ENTREP2: variants seen among roughly 807,000 people sequenced by gnomAD.
ENTREP2 encodes protein ENTREP2.
chr15:29,432,960 C>T, the ENTREP2 span, among the ~76,000 whole-genome samples: 1 of 152,232 alleles, frequency 6.6e-6, no homozygotes, highest in Non-Finnish European at 1.5e-5. Flanking sequence ...CATCGCACGC[C>T]CACCTCCATC....
chr15:29,498,090 A>C, the ENTREP2 span, among the ~76,000 whole-genome samples: 1 of 152,150 alleles, frequency 6.6e-6, no homozygotes, highest in Non-Finnish European at 1.5e-5. Context: ...TTAGTGACTG[A>C]GTTCTCATGA....
the ENTREP2 span, among the ~76,000 whole-genome samples, chr15:29,557,255 A>G: frequency 6.6e-6 from 1 of 152,028 alleles, no homozygotes; most frequent in Non-Finnish European, 1.5e-5. Flanking sequence ...GGGCTCTTTC[A>G]GGTGAAGAGA....
chr15:29,424,331 G>T, the ENTREP2 span, among the ~76,000 whole-genome samples: 2 of 151,526 alleles, frequency 1.3e-5, no homozygotes, highest in Admixed American at 1.3e-4. Context: ...CCATTTTACA[G>T]AGCGTTGATT....
chr15:29,346,634 T>TCCACAAAAAGAG, the ENTREP2 span, among the ~76,000 whole-genome samples: 1 of 152,274 alleles, frequency 6.6e-6, no homozygotes, highest in African/African-American at 2.4e-5. Context: ...GTACTTTCAT[T>TCCACAAAAAGAG]TAGCTTTAAA....
At chr15:29,448,505 G>A in the ENTREP2 span, among the ~76,000 whole-genome samples, 1 of 152,170 alleles carries the variant, frequency 6.6e-6, no homozygotes, top group Non-Finnish European at 1.5e-5. Context: ...TACCCTAAAT[G>A]CACTTAAGCG....
At chr15:29,598,023 T>C in the ENTREP2 span, among the ~76,000 whole-genome samples, 2 of 152,044 alleles carry the variant, frequency 1.3e-5, no homozygotes, top group African/African-American at 4.8e-5. Context: ...CTAAGGAGGC[T>C]GAGGATGGGG....
At chr15:29,521,417 A>G in the ENTREP2 span, among the ~76,000 whole-genome samples, 1 of 152,264 alleles carries the variant, frequency 6.6e-6, no homozygotes. Flanking sequence ...GTATGTTAAC[A>G]GACAATTCTC....
At chr15:29,522,649 T>G in the ENTREP2 span, among the ~76,000 whole-genome samples, 4 of 152,180 alleles carry the variant, frequency 2.6e-5, no homozygotes, top group African/African-American at 9.7e-5. Flanking sequence ...TGCAAACCAA[T>G]AGCCCACAAT....
chr15:29,490,815 T>C, the ENTREP2 span, among the ~76,000 whole-genome samples: 1 of 152,212 alleles, frequency 6.6e-6, no homozygotes, highest in African/African-American at 2.4e-5. Flanking sequence ...CTTCCGCTAG[T>C]GGATCCCGTG....
chr15:29,624,157 C>T, the ENTREP2 span, among the ~76,000 whole-genome samples: 3 of 152,358 alleles, frequency 2.0e-5, 1 homozygote, highest in South Asian at 6.2e-4. Context: ...TTCGTGCACT[C>T]TGTGTCTTCT....
At chr15:29,292,380 CTTCT>C in the ENTREP2 span, among the ~76,000 whole-genome samples, 2 of 138,596 alleles carry the variant, frequency 1.4e-5, no homozygotes, top group East Asian at 2.1e-4. Flanking sequence ...TCTTTCTTTC[CTTCT>C]TTCTTTCTTG....
At chr15:29,223,547 A>T in the ENTREP2 span, among the ~76,000 whole-genome samples, 22 of 152,330 alleles carry the variant, frequency 1.4e-4, no homozygotes, top group African/African-American at 4.8e-4. Context: ...GTGTAACTGG[A>T]TATCAGTTTA....
chr15:29,412,953 CTTCA>C, the ENTREP2 span, among the ~76,000 whole-genome samples: 2 of 151,684 alleles, frequency 1.3e-5, no homozygotes, highest in Admixed American at 6.6e-5. Context: ...AATCTGATCA[CTTCA>C]TTCATTTTCA....
the ENTREP2 span, chr15:29,268,772 G>C: frequency 1.3e-6 from 2 of 1,579,726 alleles, no homozygotes; most frequent in Non-Finnish European, 1.7e-6. Context: ...TGTCCCGGGG[G>C]TCCCTCTGAA....
the ENTREP2 span, among the ~76,000 whole-genome samples, chr15:29,598,115 CCT>C: frequency 6.5e-5 from 7 of 107,222 alleles, no homozygotes; most frequent in African/African-American, 1.9e-4. Flanking sequence ...GAGTGAGACC[CCT>C]GTCTCAAAAA....
the ENTREP2 span, among the ~76,000 whole-genome samples, chr15:29,400,425 G>A: frequency 2.6e-5 from 4 of 152,106 alleles, no homozygotes; most frequent in African/African-American, 9.7e-5. Context: ...AGATGGGAGG[G>A]AAATTCATTT....
chr15:29,207,050 A>G, the ENTREP2 span, among the ~76,000 whole-genome samples: 1 of 152,146 alleles, frequency 6.6e-6, no homozygotes, highest in Admixed American at 6.5e-5. Flanking sequence ...AGTGGCTCAA[A>G]GCTACTCGCC....
the ENTREP2 span, among the ~76,000 whole-genome samples, chr15:29,407,495 T>A: frequency 6.6e-6 from 1 of 151,944 alleles, no homozygotes. Context: ...AGAGAAGACA[T>A]GGGCTCAAGA....
the ENTREP2 span, among the ~76,000 whole-genome samples, chr15:29,650,705 C>T: frequency 1.4e-3 from 215 of 152,270 alleles, no homozygotes; most frequent in African/African-American, 4.9e-3. Context: ...TGATGTGCGC[C>T]TATGATCCCA....
Sources: allele counts gnomAD v4.1 joint callset (sites outside exome capture counted in the v4.1 genomes callset), GRCh38; gene constraint gnomAD v4.1.1; transcripts MANE v1.5; gene names NCBI Gene and HGNC (gene_info 2026-07-23, HGNC 2026-07-21).